CFAP100: variants seen among roughly 807,000 people sequenced by gnomAD.
The protein encoded by CFAP100 is cilia- and flagella-associated protein 100.
A neutral mutation model predicts 81.5 loss-of-function variants in CFAP100; 70 were observed. That is an observed-to-expected ratio of 0.86 (90% CI 0.71 to 1.05). CFAP100 has a LOEUF of 1.05. Among genes scored for constraint, CFAP100 ranks in the 50% least tolerant of loss-of-function variants. The pLI is 0.00. For missense variants in CFAP100, 811 were observed against 776.5 expected, an observed-to-expected ratio of 1.04 and a Z score of -0.53; for synonymous variants, 341 against 314.8, an observed-to-expected ratio of 1.08 and a Z score of -0.88.
Position 126,434,230 on chromosome 3 carries a change from A to G in CFAP100, c.1477A>G (p.Thr493Ala), listed in dbSNP as rs1331377854. The change falls in exon 15 of 17, where the codon ACC becomes GCC. Residue 493 changes from threonine (T) to alanine (A), a missense_variant. Physicochemically the swap from Thr to Ala is moderately conservative, Grantham distance 58. Coordinates refer to ENST00000352312, the MANE Select transcript of CFAP100 (RefSeq NM_182628.3). ...CKVLDVYRHC[T>A]GTQQEANLGT... is the part of the protein sequence containing the mutation. ...GGTGCTGGATGTGTACCGGCACTGC[A>G]CCGGCACCCAGCAGGAGGCCAACCT... 2 of 1,613,866 alleles carry G rather than the reference A, an allele frequency of 1.2e-6. No homozygotes were observed. The highest frequency in any genetic ancestry group is 2.2e-5 in the South Asian group (2 of 91,050).
chr3:126,396,376 G>T (rs889037569), intron 2 of CFAP100: 1 of 293,016 alleles, frequency 3.4e-6, no homozygotes, highest in Non-Finnish European at 6.4e-6. Context: ...CCAGAGCTTT[G>T]CAGGCAATCC....
At chr3:126,399,253 C>G (rs1198539273) in intron 2 of CFAP100, among the ~76,000 whole-genome samples, 2 of 152,212 alleles carry the variant, frequency 1.3e-5, no homozygotes, top group Non-Finnish European at 2.9e-5. Flanking sequence ...CCAGCAGTGA[C>G]ATTTGTTCCC....
intron 2 of CFAP100, among the ~76,000 whole-genome samples, chr3:126,402,403 G>A (rs577297796): frequency 1.3e-5 from 2 of 152,364 alleles, no homozygotes; most frequent in African/African-American, 2.4e-5. Context: ...GAAAGCCCGA[G>A]GGAAAGGGGG....
intron 2 of CFAP100, among the ~76,000 whole-genome samples, chr3:126,405,568 C>A (rs1442460084): frequency 6.6e-6 from 1 of 152,108 alleles, no homozygotes; most frequent in African/African-American, 2.4e-5. Context: ...GAGGCTGAGG[C>A]AGGAGAATCG....
chr3:126,433,599 C>A, intron 14 of CFAP100: 1 of 210,846 alleles, frequency 4.7e-6, no homozygotes, highest in South Asian at 8.5e-5. Context: ...AAAGGCTCAG[C>A]CCGCTCCCAA....
chr3:126,400,645 C>G lies in CFAP100; in HGVS notation c.49+4596C>G, dbSNP rs959466800. Among the ~76,000 whole-genome samples the G allele has an allele frequency of 2.0e-5, 3 of 151,840 alleles. No individual in the cohort carries two copies. The South Asian group carries it at 6.2e-4, about 32-fold the overall frequency. ...CGGGCACCTGTAGTCCCAACTACTC[C>G]GGAGGCTGAGGCAGGAGAATGGCGT... On this transcript the variant is annotated intron_variant, in intron 2 of 16. Transcript: ENST00000352312.
rs1933289890 is a variant in CFAP100, at chr3:126,432,984, A to G, written c.1287-85A>G. ...CCCTCAGGACAGCTGGTAGGGGCAA[A>G]GCACTGTACAGACAGGCTCAGAGAA... On this transcript the variant is annotated intron_variant, in intron 13 of 16. Coordinates refer to ENST00000352312, the MANE Select transcript of CFAP100 (RefSeq NM_182628.3). 16 of 1,505,238 alleles carry G rather than the reference A, an allele frequency of 1.1e-5. No individual in the cohort carries two copies. In the South Asian group the frequency reaches 2.1e-4, roughly 20 times the overall value. 93.2% of individuals were successfully genotyped at this position (1,505,238 alleles called of 1,614,324 possible).
chr3:126,432,370 G>A (rs548084825), intron 13 of CFAP100, among the ~76,000 whole-genome samples: 1 of 150,210 alleles, frequency 6.7e-6, no homozygotes, highest in Non-Finnish European at 1.5e-5. Context: ...TTGAAAACAT[G>A]TCCTCACAAA....
At chr3:126,423,186 G>C in intron 11 of CFAP100, 139 bp from the exon 12 acceptor site, 1 of 647,390 alleles carries the variant, frequency 1.5e-6, no homozygotes, top group East Asian at 2.8e-5. Flanking sequence ...AGCTGGTGCT[G>C]CCCTCTGGGT....
At chr3:126,404,624 G>A (rs2083035181) in intron 2 of CFAP100, among the ~76,000 whole-genome samples, 3 of 152,190 alleles carry the variant, frequency 2.0e-5, no homozygotes, top group Admixed American at 2.0e-4. Context: ...CTAGTGATTG[G>A]AAGTGGGAGT....
intron 14 of CFAP100, chr3:126,433,522 G>A (rs912328852): frequency 3.4e-6 from 1 of 297,490 alleles, no homozygotes; most frequent in Non-Finnish European, 6.3e-6. Flanking sequence ...CAGGCTGAGA[G>A]GGTGAGAGAA....
chr3:126,423,078 A>G (rs552546600), intron 11 of CFAP100, among the ~76,000 whole-genome samples: 18 of 152,196 alleles, frequency 1.2e-4, no homozygotes, highest in African/African-American at 4.1e-4. Context: ...GGTCTGGAAC[A>G]TGGTTTGTCC....
chr3:126,395,501 G>C (rs2082874510), intron 1 of CFAP100: 1 of 153,388 alleles, frequency 6.5e-6, no homozygotes, highest in Non-Finnish European at 1.5e-5. Flanking sequence ...GGGGGAAATA[G>C]ACAACGAATG....
At chr3:126,414,417 A>G in intron 4 of CFAP100, 1 of 634,640 alleles carries the variant, frequency 1.6e-6, no homozygotes, top group Non-Finnish European at 2.8e-6. Flanking sequence ...TTGGTCAGAT[A>G]GACTTCTTGG....
At position 126,436,389 on chromosome 3, in the gene CFAP100, A is replaced by G. The variant is rs757952118; in HGVS notation, c.1821A>G (p.Leu607=). Residue 607 remains leucine, a synonymous_variant, in exon 17 of 17, where the codon CTA becomes CTG. Coordinates refer to ENST00000352312, the MANE Select transcript of CFAP100 (RefSeq NM_182628.3). ...TGGACAAGGAGGAGGAGGAGCTGCT[A>G]TTTTTCTTTACTTAATCTTCGCAGA... ...TLMDKEEEEL[L]FFFT 1.2e-6 allele frequency: 2 copies of G among 1,613,552 alleles called. No individual in the cohort carries two copies. The highest frequency in any genetic ancestry group is 1.7e-6 in the Non-Finnish European group (2 of 1,179,556).
At chr3:126,412,101 C>G (rs2083167362) in intron 3 of CFAP100, among the ~76,000 whole-genome samples, 1 of 152,202 alleles carries the variant, frequency 6.6e-6, no homozygotes, top group African/African-American at 2.4e-5. Flanking sequence ...GATAACTTAT[C>G]TCATTATTAT....
At position 126,420,151 on chromosome 3, in the gene CFAP100, T is replaced by C. The variant is rs2083305800; in HGVS notation, c.1004T>C (p.Leu335Pro). Reference protein sequence around the residue: ...KPWRFLQTMRLGRSPSYLSSP... With the variant: ...KPWRFLQTMRPGRSPSYLSSP... ...TGGAGGTTTCTGCAGACGATGCGGC[T>C]GGGGCGGAGCCCGTCTTACCTGAGC... Residue 335 changes from leucine to proline, a missense_variant, in exon 11 of 17, where the codon CTG becomes CCG. Transcript: ENST00000352312. 5 of 1,612,908 alleles carry C rather than the reference T, an allele frequency of 3.1e-6. No homozygotes were observed. The highest frequency in any genetic ancestry group is 4.2e-6 in the Non-Finnish European group (5 of 1,179,988).
Position 126,434,334 on chromosome 3 carries a change from C to T in CFAP100, c.1581C>T (p.Val527=), listed in dbSNP as rs1253047314. 6.2e-7 allele frequency: 1 copy of T among 1,613,922 alleles called. No individual in the cohort carries two copies. The highest frequency in any genetic ancestry group is 8.5e-7 in the Non-Finnish European group (1 of 1,180,032). Residue 527 remains valine (V), a synonymous_variant, in exon 15 of 17, where the codon GTC becomes GTT. Coordinates refer to ENST00000352312, the MANE Select transcript of CFAP100 (RefSeq NM_182628.3). ...AGAACCTGGAGCACGTGCCCCAGGT[C>T]AAGATCGAGCAGGCCGAGAGGGCAA... The part of the protein sequence containing the change: ...LLENLEHVPQ[V]KIEQAERAKE...
chr3:126,430,157 G>A (rs34925876), intron 13 of CFAP100, among the ~76,000 whole-genome samples: 34,683 of 151,942 alleles, frequency 0.23, 4,176 homozygotes, highest in East Asian at 0.36. Flanking sequence ...CTACTTATTT[G>A]GGAATCTTTA....
Sources: allele counts gnomAD v4.1 joint callset (sites outside exome capture counted in the v4.1 genomes callset), GRCh38; gene constraint gnomAD v4.1.1; transcripts MANE v1.5; gene names NCBI Gene and HGNC (gene_info 2026-07-23, HGNC 2026-07-21).